Variants in DTL observed in about 807,000 individuals in gnomAD.
The protein encoded by DTL is denticleless protein homolog.
DTL carries 46 observed loss-of-function variants against 87.0 expected under a neutral mutation model. The ratio of observed to expected loss-of-function variants is 0.53; its 90% CI spans 0.42 to 0.68. The LOEUF is 0.68. Among genes scored for constraint, DTL ranks in the 30% least tolerant of loss-of-function variants. DTL has a pLI of 0.00. For missense variants in DTL, 737 were observed against 869.4 expected (o/e 0.85, Z 1.91); for synonymous variants, 308 against 311.2 (o/e 0.99, Z 0.11).
At chr1:212,048,591 A>G (rs1667872430) in intron 5 of DTL, among the ~76,000 whole-genome samples, 2 of 152,326 alleles carry the variant, frequency 1.3e-5, no homozygotes, top group African/African-American at 4.8e-5. Flanking sequence ...GAGTTATATA[A>G]CACAGCACAG....
chr1:212,095,361 C>T (rs1258212475), intron 13 of DTL, among the ~76,000 whole-genome samples: 4 of 151,972 alleles, frequency 2.6e-5, no homozygotes, highest in Admixed American at 6.6e-5. Flanking sequence ...CATGTGTTTT[C>T]GTTTGTTTTT....
intron 1 of DTL, among the ~76,000 whole-genome samples, chr1:212,037,885 T>C (rs1156610659): frequency 5.3e-5 from 8 of 152,172 alleles, no homozygotes. Flanking sequence ...TACCAAATCG[T>C]TTATTGTCAT....
rs189904108 is a variant in DTL at position 212,043,369 on chromosome 1, G to T, written c.178+251G>T. Among the ~76,000 whole-genome samples, 36 of 152,266 alleles carry T rather than the reference G, an allele frequency of 2.4e-4. 1 individual carries two copies. In the East Asian group the frequency reaches 6.6e-3, roughly 28 times the overall value. Reference sequence around the variant, plus strand: ...ATTTTTAAAAAATCAATATAAGGAAGGGGTTGCAAAGGTTCAGCTACTATG... The same window carrying T: ...ATTTTTAAAAAATCAATATAAGGAATGGGTTGCAAAGGTTCAGCTACTATG... On this transcript the variant is annotated intron_variant, in intron 2 of 14. Transcript: ENST00000366991.
intron 5 of DTL, among the ~76,000 whole-genome samples, chr1:212,058,178 T>C (rs1668236374): frequency 6.6e-6 from 1 of 152,058 alleles, no homozygotes; most frequent in African/African-American, 2.4e-5. Context: ...GAAAATTGGA[T>C]TTAAACTGCA....
chr1:212,038,250 A>C (rs1357109176), intron 1 of DTL, among the ~76,000 whole-genome samples: 1 of 152,238 alleles, frequency 6.6e-6, no homozygotes, highest in Non-Finnish European at 1.5e-5. Context: ...TTTTTTCCTC[A>C]TGAACAGTAT....
At chr1:212,066,491 A>G (rs190589994) in intron 7 of DTL, among the ~76,000 whole-genome samples, 178 of 152,352 alleles carry the variant, frequency 1.2e-3, no homozygotes, top group South Asian at 3.3e-3. Flanking sequence ...GGCACAAGAA[A>G]GTTAAATAAG....
chr1:212,056,478 A>G (rs1668183031), intron 5 of DTL, among the ~76,000 whole-genome samples: 1 of 152,242 alleles, frequency 6.6e-6, no homozygotes, highest in Non-Finnish European at 1.5e-5. Context: ...CACCATAGAT[A>G]CATCTTCAGG....
intron 13 of DTL, among the ~76,000 whole-genome samples, chr1:212,082,684 G>T (rs1443041555): frequency 6.6e-6 from 1 of 152,154 alleles, no homozygotes; most frequent in Non-Finnish European, 1.5e-5. Flanking sequence ...ACTTACAGAA[G>T]CTTCCTTCTG....
intron 13 of DTL, among the ~76,000 whole-genome samples, chr1:212,083,874 G>A (rs1655053552): frequency 2.0e-5 from 3 of 151,816 alleles, no homozygotes; most frequent in Admixed American, 2.0e-4. Flanking sequence ...CTAGCCTCAA[G>A]TTGACTCTTA....
intron 13 of DTL, among the ~76,000 whole-genome samples, chr1:212,081,792 C>T (rs1238096201): frequency 6.6e-6 from 1 of 152,188 alleles, no homozygotes; most frequent in Non-Finnish European, 1.5e-5. Context: ...GATGGAGTGT[C>T]ATTAACCTAG....
At chr1:212,093,349 C>T (rs1318815412) in intron 13 of DTL, among the ~76,000 whole-genome samples, 1 of 152,200 alleles carries the variant, frequency 6.6e-6, no homozygotes, top group African/African-American at 2.4e-5. Context: ...CTTGTGTTAA[C>T]CAGCTCTATT....
chr1:212,087,498 G>A (rs1217891839), intron 13 of DTL, among the ~76,000 whole-genome samples: 1 of 141,326 alleles, frequency 7.1e-6, no homozygotes, highest in Admixed American at 7.0e-5. Flanking sequence ...TGCAGTGAGT[G>A]GAGATCACGC....
intron 5 of DTL, among the ~76,000 whole-genome samples, chr1:212,059,270 A>C (rs900647970): frequency 2.0e-5 from 3 of 152,116 alleles, no homozygotes; most frequent in African/African-American, 7.2e-5. Context: ...AATCCTCAAC[A>C]GAATACTAGC....
chr1:212,039,039 C>T (rs973616984), intron 1 of DTL, among the ~76,000 whole-genome samples: 1 of 152,046 alleles, frequency 6.6e-6, no homozygotes, highest in Admixed American at 6.6e-5. Context: ...TACAGAATTT[C>T]TCCTAATGTA....
At position 212,104,179 on chromosome 1, in the gene DTL, C is replaced by T. The variant is rs1655704899; in HGVS notation, c.*1239C>T. On this transcript the variant is annotated 3_prime_UTR_variant, in exon 15 of 15. Transcript: ENST00000366991. ...AGAGGCTTTACATACTTTCTATGTA[C>T]TATTTACTTAGAAGGGAGCCCCCTT... 6.6e-6 allele frequency: 1 copy of T among 152,144 alleles called. No individual in the cohort carries two copies. Among genetic ancestry groups the T allele is most frequent in the Admixed American group, 6.6e-5 (1 of 15,264 alleles). 9.4% of individuals were successfully genotyped at this position (152,144 alleles called of 1,614,324 possible). A position where few individuals can be genotyped will look rare whatever the true frequency, so the allele number is the denominator to read the frequency against.
At chr1:212,102,232 T>G (rs1453332017) in intron 14 of DTL, among the ~76,000 whole-genome samples, 1 of 152,162 alleles carries the variant, frequency 6.6e-6, no homozygotes, top group Non-Finnish European at 1.5e-5. Context: ...TTATAAGGAA[T>G]CTTTCCTTCT....
intron 13 of DTL, among the ~76,000 whole-genome samples, chr1:212,084,189 ATTTCTTTTTTTCT>A (rs576276204): frequency 0.071 from 8,504 of 120,008 alleles, 275 homozygotes; most frequent in Non-Finnish European, 0.084. Flanking sequence ...GCTTTTTTTA[ATTTCTTTTTTTCT>A]TTTCTTTTTT....
At chr1:212,055,801 A>G (rs1024351013) in intron 5 of DTL, among the ~76,000 whole-genome samples, 1 of 152,138 alleles carries the variant, frequency 6.6e-6, no homozygotes, top group South Asian at 2.1e-4. Flanking sequence ...AGGGTCACTG[A>G]GGGCAGTTCC....
rs755512234 is a variant in DTL at position 212,059,942 on chromosome 1, AT to A, written c.461-2941del. 5.3e-5 allele frequency among the ~76,000 whole-genome samples: 8 copies of A among 152,176 alleles called. 1 individual carries two copies. The highest frequency in any genetic ancestry group is 6.3e-3 in the Middle Eastern group (2 of 316). On this transcript the variant is annotated intron_variant, in intron 5 of 14. Transcript: ENST00000366991. Reference sequence around the variant, plus strand: ...TCCCATTTACAATAGCTACAAAAAAATAAAACACTTAGGAATAAATTTAGCC... The same window carrying A: ...TCCCATTTACAATAGCTACAAAAAAAAAAACACTTAGGAATAAATTTAGCC...
Sources: gnomAD v4.1 joint callset for allele counts (sites outside exome capture counted in the v4.1 genomes callset) on GRCh38, gnomAD v4.1.1 for gene constraint, MANE v1.5 for transcripts, NCBI Gene and HGNC (gene_info 2026-07-23, HGNC 2026-07-21) for gene names.